Variants in SLC38A1 observed in about 807,000 individuals in gnomAD.
The protein encoded by SLC38A1 is sodium-coupled neutral amino acid symporter 1.
A neutral mutation model predicts 60.3 loss-of-function variants in SLC38A1; 18 were observed. The ratio of observed to expected loss-of-function variants is 0.30; its 90% CI spans 0.21 to 0.44. The LOEUF is 0.44. Among genes scored for constraint, SLC38A1 ranks in the 20% least tolerant of loss-of-function variants. The pLI is 1.00. For synonymous variants in SLC38A1, 196 were observed against 212.1 expected, an observed-to-expected ratio of 0.92 and a Z score of 0.66; for missense variants, 448 against 587.2, an observed-to-expected ratio of 0.76 and a Z score of 2.45.
At chr12:46,225,979 A>G (rs1940847433) in intron 5 of SLC38A1, among the ~76,000 whole-genome samples, 1 of 152,246 alleles carries the variant, frequency 6.6e-6, no homozygotes. Context: ...CACTGTGTGA[A>G]CCTTATCTGA....
At chr12:46,207,434 GGAT>G in intron 7 of SLC38A1, 92 bp downstream of exon 7, 1 of 1,252,226 alleles carries the variant, frequency 8.0e-7, no homozygotes. Flanking sequence ...TTAGCAATGA[GGAT>G]GATAACTGCT....
Position 46,188,573 on chromosome 12 carries a change from G to A in SLC38A1, c.*397C>T, listed in dbSNP as rs960788985. 1 of 158,330 alleles carries A rather than the reference G, an allele frequency of 6.3e-6. No individual in the cohort carries two copies. The highest frequency in any genetic ancestry group is 2.4e-5 in the African/African-American group (1 of 41,672). The allele number at this position is 158,330 out of a possible 1,614,324, so 9.8% of individuals were successfully genotyped here. A position where few individuals can be genotyped will look rare whatever the true frequency, so the allele number is the denominator to read the frequency against. On this transcript the variant is annotated 3_prime_UTR_variant, in exon 17 of 17. Transcript: ENST00000398637. ...TTTCTCTTCTAAAAAGGTACAGATAGTGTGAGCTGAACATCAGTAGGAAAA... is the reference window on the plus strand; with the variant it reads ...TTTCTCTTCTAAAAAGGTACAGATAATGTGAGCTGAACATCAGTAGGAAAA...
At position 46,261,704 on chromosome 12, in the gene SLC38A1, G is replaced by T. The variant is rs1163380518; in HGVS notation, c.-209+6822C>A. ...GTAAAAATGCATTTAGTATTGTAAA[G>T]AACTATATAAACGGAAGGTATTTAT... On this transcript the variant is annotated intron_variant, in intron 1 of 16. Coordinates refer to ENST00000398637, the MANE Select transcript of SLC38A1 (RefSeq NM_030674.4). Among the ~76,000 whole-genome samples the T allele has an allele frequency of 5.9e-5, 9 of 152,280 alleles. No individual in the cohort carries two copies. In the East Asian group the frequency reaches 1.7e-3, roughly 29 times the overall value.
intron 13 of SLC38A1, among the ~76,000 whole-genome samples, chr12:46,200,325 G>A (rs1442860502): frequency 6.6e-6 from 1 of 151,616 alleles, no homozygotes; most frequent in Admixed American, 6.6e-5. Flanking sequence ...ATGAAAAAAA[G>A]TCCCAAAGAA....
rs1942428306 is a variant in SLC38A1 at position 46,268,287 on chromosome 12, C to T, written c.-209+239G>A. On this transcript the variant is annotated intron_variant, in intron 1 of 16. Coordinates refer to ENST00000398637, the MANE Select transcript of SLC38A1 (RefSeq NM_030674.4). This position sits in a 1 kb window ranked among gnomAD's most constrained non-coding sequence, Gnocchi z 4.4. The stretch of plus-strand genomic sequence containing the variant: ...AAACAAACCAAAAAGTAAGCCACAG[C>T]CCACGCAAAGGTGAACTCGGGGGCC... Among the ~76,000 whole-genome samples, 1 of 152,228 alleles carries T rather than the reference C, an allele frequency of 6.6e-6. No homozygotes were observed. The highest frequency in any genetic ancestry group is 2.4e-5 in the African/African-American group (1 of 41,452).
At chr12:46,234,525 G>A (rs979952687) in intron 3 of SLC38A1, among the ~76,000 whole-genome samples, 4 of 147,878 alleles carry the variant, frequency 2.7e-5, no homozygotes, top group Non-Finnish European at 5.9e-5. Context: ...TCGGCTCACT[G>A]CAAGCTCCGC....
chr12:46,199,934 A>G (rs546893930), intron 13 of SLC38A1, among the ~76,000 whole-genome samples: 1 of 152,336 alleles, frequency 6.6e-6, no homozygotes, highest in East Asian at 1.9e-4. Context: ...ACTAGTTCTA[A>G]TTTCCTTAAT....
chr12:46,249,590 C>A (rs962305912), intron 1 of SLC38A1, among the ~76,000 whole-genome samples: 1 of 151,932 alleles, frequency 6.6e-6, no homozygotes, highest in Non-Finnish European at 1.5e-5. Context: ...AGACCACTAG[C>A]AAGACTAATA....
rs1232140320 is a variant in SLC38A1, at chr12:46,198,679, C to T, written c.1068G>A (p.Val356=). 1 of 1,613,570 alleles carries T rather than the reference C, an allele frequency of 6.2e-7. No individual in the cohort carries two copies. The highest frequency in any genetic ancestry group is 8.5e-7 in the Non-Finnish European group (1 of 1,179,856). Residue 356 remains valine, a synonymous_variant, in exon 14 of 17, where the codon GTG becomes GTA. Transcript: ENST00000398637. The stretch of plus-strand genomic sequence containing the variant: ...TCACAGCAACAATGACAGCCAGCCG[C>T]ACTGTCAGGATGAGAATGTCATCTT... The part of the protein sequence containing the change: ...QSKDDILILT[V]RLAVIVAVIL...
intron 1 of SLC38A1, among the ~76,000 whole-genome samples, chr12:46,248,301 C>G (rs982624831): frequency 1.3e-5 from 2 of 152,042 alleles, no homozygotes; most frequent in African/African-American, 4.8e-5. Flanking sequence ...ATCTCACGTG[C>G]AAAGACACAC....
At chr12:46,243,915 A>G (rs984784868) in intron 1 of SLC38A1, among the ~76,000 whole-genome samples, 3 of 152,220 alleles carry the variant, frequency 2.0e-5, no homozygotes, top group Admixed American at 6.5e-5. Context: ...CCAATGTAAA[A>G]TACATAATCT....
intron 3 of SLC38A1, among the ~76,000 whole-genome samples, chr12:46,231,783 G>A (rs1941085605): frequency 6.6e-6 from 1 of 152,160 alleles, no homozygotes; most frequent in Non-Finnish European, 1.5e-5. Flanking sequence ...GGGATTACAG[G>A]TATGCACCAC....
intron 1 of SLC38A1, among the ~76,000 whole-genome samples, chr12:46,252,919 C>T (rs1266329633): frequency 1.4e-5 from 2 of 140,074 alleles, no homozygotes; most frequent in East Asian, 2.2e-4. Context: ...ATCTGGAGGA[C>T]ATAATGGTAA....
intron 16 of SLC38A1, among the ~76,000 whole-genome samples, chr12:46,197,216 G>A (rs117695260): frequency 0.025 from 3,765 of 152,252 alleles, 72 homozygotes; most frequent in Middle Eastern, 0.075. Flanking sequence ...AGGGCCGGGC[G>A]CGATGGCTCA....
At chr12:46,265,608 T>C (rs1420713830) in intron 1 of SLC38A1, among the ~76,000 whole-genome samples, 12 of 152,200 alleles carry the variant, frequency 7.9e-5, no homozygotes, top group Non-Finnish European at 5.9e-5. Context: ...CCTAAGTGTA[T>C]GGCTAAGGAA....
In SLC38A1 at chr12:46,186,787, G is replaced by A. The variant is rs1218382360; in HGVS notation, c.*2183C>T. The A allele has an allele frequency of 6.6e-6, 1 of 152,158 alleles. No individual in the cohort carries two copies. The highest frequency in any genetic ancestry group is 1.5e-5 in the Non-Finnish European group (1 of 68,028). The allele number at this position is 152,158 out of a possible 1,614,324, so 9.4% of individuals were successfully genotyped here. On this transcript the variant is annotated 3_prime_UTR_variant, in exon 17 of 17. Transcript: ENST00000398637. Reference sequence around the variant, plus strand: ...CACTACACATCCCAGTTAATGATAAGGTTCTAAATTGACTTTGTGAGGGTA... The same window carrying A: ...CACTACACATCCCAGTTAATGATAAAGTTCTAAATTGACTTTGTGAGGGTA...
chr12:46,236,625 C>T (rs1278536671), intron 3 of SLC38A1, among the ~76,000 whole-genome samples: 1 of 152,106 alleles, frequency 6.6e-6, no homozygotes, highest in African/African-American at 2.4e-5. Context: ...GTAGACATTA[C>T]CTAGACACTA....
chr12:46,195,211 T>C (rs1422239741), intron 16 of SLC38A1, among the ~76,000 whole-genome samples: 1 of 152,216 alleles, frequency 6.6e-6, no homozygotes, highest in Non-Finnish European at 1.5e-5. Flanking sequence ...TGCAGGTTTG[T>C]TGGAGTTTGC....
intron 1 of SLC38A1, among the ~76,000 whole-genome samples, chr12:46,247,610 T>C (rs780825191): frequency 9.2e-5 from 14 of 152,190 alleles, no homozygotes; most frequent in Non-Finnish European, 1.9e-4. Flanking sequence ...GAAAACACTC[T>C]TCAGGATATT....
Sources: gnomAD v4.1 joint callset for allele counts (sites outside exome capture counted in the v4.1 genomes callset) on GRCh38, gnomAD v4.1.1 for gene constraint, Gnocchi (gnomAD v3.1) non-coding constraint, MANE v1.5 for transcripts, NCBI Gene and HGNC (gene_info 2026-07-23, HGNC 2026-07-21) for gene names.